Variants in RBFOX1 observed in about 807,000 individuals in gnomAD.
RBFOX1 encodes RNA binding fox-1 homolog 1.
Under a neutral mutation model 57.7 loss-of-function variants are expected in RBFOX1, and 8 were observed. That is an observed-to-expected ratio of 0.14 (90% CI 0.08 to 0.25). RBFOX1 has a LOEUF of 0.25. Ranked by LOEUF, RBFOX1 falls within the 10% of genes least tolerant of loss-of-function variation. The pLI is 1.00. For missense variants in RBFOX1, 611 were observed against 548.5 expected, an observed-to-expected ratio of 1.11 and a Z score of -1.14; for synonymous variants, 326 against 222.4, an observed-to-expected ratio of 1.47 and a Z score of -4.15.
chr16:5,643,281 TC>T (rs1768173878), intron 3 of RBFOX1, among the ~76,000 whole-genome samples: 2 of 152,212 alleles, frequency 1.3e-5, no homozygotes, highest in Non-Finnish European at 2.9e-5. Context: ...TGATGTGGCT[TC>T]TTGGCTGTCC....
chr16:7,458,735 C>T (rs572642657), intron 4 of RBFOX1, among the ~76,000 whole-genome samples: 1 of 152,130 alleles, frequency 6.6e-6, no homozygotes, highest in Non-Finnish European at 1.5e-5. Flanking sequence ...TAGCTCATTA[C>T]CTTTTCAGAT....
intron 1 of RBFOX1, among the ~76,000 whole-genome samples, chr16:5,301,578 C>T (rs1282258733): frequency 1.4e-5 from 2 of 138,140 alleles, no homozygotes; most frequent in Non-Finnish European, 3.1e-5. Flanking sequence ...AAGATTGCGC[C>T]ACTGCACTCC....
At chr16:6,517,725 C>G (rs1038035592) in intron 2 of RBFOX1, among the ~76,000 whole-genome samples, 11 of 152,148 alleles carry the variant, frequency 7.2e-5, no homozygotes, top group Admixed American at 2.0e-4. Context: ...ACGATGGTTT[C>G]AAAATTATCC....
intron 1 of RBFOX1, among the ~76,000 whole-genome samples, chr16:5,457,973 A>G (rs2068680794): frequency 6.6e-6 from 1 of 152,130 alleles, no homozygotes; most frequent in African/African-American, 2.4e-5. Flanking sequence ...ACTCTGACCC[A>G]CTTACAAGAA....
At chr16:6,210,978 C>A (rs191573848) in intron 1 of RBFOX1, among the ~76,000 whole-genome samples, 11 of 152,036 alleles carry the variant, frequency 7.2e-5, no homozygotes, top group African/African-American at 2.7e-4. Context: ...AGAAACTGAA[C>A]GTTACAGGAT....
intron 3 of RBFOX1, among the ~76,000 whole-genome samples, chr16:6,785,595 A>G (rs2081820119): frequency 6.6e-6 from 1 of 152,200 alleles, no homozygotes; most frequent in South Asian, 2.1e-4. Flanking sequence ...CCATTAAATA[A>G]GCTATTTTTC....
chr16:5,279,328 G>T (rs1477102388), intron 1 of RBFOX1, among the ~76,000 whole-genome samples: 1 of 151,004 alleles, frequency 6.6e-6, no homozygotes, highest in African/African-American at 2.4e-5. Context: ...CCCATCCTTG[G>T]GTAAGTTTAT....
At chr16:5,427,707 G>C (rs1196008050) in intron 1 of RBFOX1, among the ~76,000 whole-genome samples, 1 of 152,216 alleles carries the variant, frequency 6.6e-6, no homozygotes, top group Non-Finnish European at 1.5e-5. Context: ...GCCGTCTGCT[G>C]TAAGAATTTC....
intron 4 of RBFOX1, among the ~76,000 whole-genome samples, chr16:7,099,798 G>A (rs969470016): frequency 2.6e-5 from 4 of 152,172 alleles, no homozygotes; most frequent in Non-Finnish European, 4.4e-5. Context: ...TAGAGTTACC[G>A]GGAGAAAAGA....
chr16:5,271,741 C>A (rs760392722), intron 1 of RBFOX1, among the ~76,000 whole-genome samples: 1 of 152,174 alleles, frequency 6.6e-6, no homozygotes, highest in South Asian at 2.1e-4. Context: ...ACCAGTGTCT[C>A]CTATCCCCTA....
At chr16:6,256,731 A>G (rs2097670078) in intron 1 of RBFOX1, among the ~76,000 whole-genome samples, 1 of 152,126 alleles carries the variant, frequency 6.6e-6, no homozygotes, top group African/African-American at 2.4e-5. Context: ...ACATGCCAGC[A>G]GTGTCTTCCT....
chr16:7,470,461 G>GTGGATGGA (rs111579800), intron 4 of RBFOX1, among the ~76,000 whole-genome samples: 8 of 151,972 alleles, frequency 5.3e-5, no homozygotes, highest in African/African-American at 1.7e-4. Context: ...GGGTGGATGA[G>GTGGATGGA]TGGATGGATG....
At chr16:7,031,519 C>A (rs760109155) in intron 3 of RBFOX1, among the ~76,000 whole-genome samples, 2 of 151,858 alleles carry the variant, frequency 1.3e-5, no homozygotes, top group Non-Finnish European at 2.9e-5. Context: ...TCACTTGAAC[C>A]CGTAAGGTGG....
intron 4 of RBFOX1, among the ~76,000 whole-genome samples, chr16:7,463,147 C>A (rs377371019): frequency 4.6e-5 from 7 of 152,226 alleles, no homozygotes; most frequent in Middle Eastern, 3.4e-3. Flanking sequence ...ATAGAAGATT[C>A]CCTCTTGCTA....
intron 3 of RBFOX1, among the ~76,000 whole-genome samples, chr16:5,733,807 T>C (rs1018631583): frequency 5.9e-5 from 9 of 151,958 alleles, no homozygotes; most frequent in Non-Finnish European, 1.2e-4. Context: ...TTCTCACCTT[T>C]CCTTCCCATC....
chr16:6,272,643 T>G (rs567506312), intron 1 of RBFOX1, among the ~76,000 whole-genome samples: 1 of 152,286 alleles, frequency 6.6e-6, no homozygotes, highest in South Asian at 2.1e-4. Context: ...ATTTTGTAAA[T>G]GAAGTATAAA....
At chr16:7,355,300 G>T (rs2097195766) in intron 4 of RBFOX1, among the ~76,000 whole-genome samples, 1 of 152,162 alleles carries the variant, frequency 6.6e-6, no homozygotes, top group African/African-American at 2.4e-5. Flanking sequence ...AGGTCTCTGA[G>T]AAATTTTACT....
intron 3 of RBFOX1, among the ~76,000 whole-genome samples, chr16:6,942,271 C>T (rs1475922399): frequency 6.6e-6 from 1 of 152,088 alleles, no homozygotes; most frequent in Non-Finnish European, 1.5e-5. Flanking sequence ...CCGAGTGAGA[C>T]TCCATCTCAC....
chr16:5,753,062 A>G (rs2151624517), intron 3 of RBFOX1, among the ~76,000 whole-genome samples: 1 of 152,078 alleles, frequency 6.6e-6, no homozygotes. Flanking sequence ...TGGGAGGCTG[A>G]GGTGGGAGGA....
Sources: gnomAD v4.1 joint callset for allele counts (sites outside exome capture counted in the v4.1 genomes callset) on GRCh38, gnomAD v4.1.1 for gene constraint, MANE v1.5 for transcripts, NCBI Gene and HGNC (gene_info 2026-07-23, HGNC 2026-07-21) for gene names.